The following KLF8 variants were observed in gnomAD, a reference collection of about 807,000 sequenced individuals.
KLF8 encodes the protein KLF transcription factor 8.
A neutral mutation model predicts 18.2 loss-of-function variants in KLF8; 10 were observed. That is an observed-to-expected ratio of 0.55 (90% CI 0.34 to 0.93). The LOEUF (loss-of-function observed/expected upper bound fraction) is 0.93, where lower values mean the gene tolerates loss of function less well. Among genes scored for constraint, KLF8 ranks in the 40% least tolerant of loss-of-function variants. KLF8 has a pLI of 0.02. For synonymous variants in KLF8, 109 were observed against 97.3 expected (o/e 1.12, Z -0.71); for missense variants, 264 against 277.9 (o/e 0.95, Z 0.36).
the KLF8 span, among the ~76,000 whole-genome samples, chrX:55,909,196 C>A: frequency 8.9e-6 from 1 of 112,210 alleles, no homozygotes; most frequent in Admixed American, 9.4e-5. Flanking sequence ...ACTGGAAATT[C>A]AATTATGAGA....
chrX:55,988,469 C>T, the KLF8 span, among the ~76,000 whole-genome samples: 1 of 111,898 alleles, frequency 8.9e-6, no homozygotes, highest in Non-Finnish European at 1.9e-5. Flanking sequence ...ATCCTTTCCC[C>T]ATTTCTTGTT....
chrX:56,175,112 T>A, the KLF8 span, among the ~76,000 whole-genome samples: 2 of 111,617 alleles, frequency 1.8e-5, no homozygotes, highest in Non-Finnish European at 3.8e-5. Context: ...TCTGCTCTGA[T>A]CTTAGTTATT....
At chrX:56,076,077 C>T in the KLF8 span, among the ~76,000 whole-genome samples, 22 of 108,993 alleles carry the variant, frequency 2.0e-4, no homozygotes, top group Admixed American at 4.0e-4. Flanking sequence ...TTTGTTCTTG[C>T]GATAGTTTAT....
At chrX:56,236,128 A>G (rs1196014673) in intron 1 of KLF8, among the ~76,000 whole-genome samples, 1 of 111,964 alleles carries the variant, frequency 8.9e-6, no homozygotes, top group Non-Finnish European at 1.9e-5. Flanking sequence ...ATTTCAAATC[A>G]CTAGCAATTT....
At chrX:56,128,672 T>A in the KLF8 span, among the ~76,000 whole-genome samples, 1 of 111,998 alleles carries the variant, frequency 8.9e-6, no homozygotes, top group Admixed American at 9.5e-5. Context: ...TTTGCACCCA[T>A]CTATAAGTCA....
At chrX:56,218,898 G>T in the KLF8 span, among the ~76,000 whole-genome samples, 12 of 111,867 alleles carry the variant, frequency 1.1e-4, no homozygotes, top group African/African-American at 3.9e-4. Flanking sequence ...CCTCACAGTG[G>T]TCAAAGGAAT....
the KLF8 span, among the ~76,000 whole-genome samples, chrX:56,070,027 T>TAAAGAAAA: frequency 1.8e-5 from 2 of 112,083 alleles, no homozygotes; most frequent in Non-Finnish European, 3.8e-5. Flanking sequence ...ATAGACTGGA[T>TAAAGAAAA]AAAGAAAATG....
chrX:56,217,962 C>T, the KLF8 span, among the ~76,000 whole-genome samples: 2 of 110,681 alleles, frequency 1.8e-5, no homozygotes, highest in African/African-American at 3.3e-5. Flanking sequence ...GGAATCACTA[C>T]TGGGGATGGA....
chrX:56,272,741 A>G (rs1007832734), intron 5 of KLF8, among the ~76,000 whole-genome samples: 18 of 111,172 alleles, frequency 1.6e-4, no homozygotes, highest in African/African-American at 4.3e-4. Context: ...TTTCCTCACT[A>G]CAATTCATTC....
chrX:56,009,705 G>T, the KLF8 span, among the ~76,000 whole-genome samples: 1 of 111,510 alleles, frequency 9.0e-6, no homozygotes, highest in Non-Finnish European at 1.9e-5. Context: ...AAGAATCAAA[G>T]AAACATGAAA....
intron 3 of KLF8, chrX:56,268,390 A>G (rs989933722): frequency 1.8e-5 from 2 of 111,716 alleles, no homozygotes; most frequent in African/African-American, 3.3e-5. Context: ...ACTATTTTCC[A>G]TAAAGGCTAT....
the KLF8 span, among the ~76,000 whole-genome samples, chrX:56,078,231 G>A: frequency 8.9e-6 from 1 of 111,767 alleles, no homozygotes; most frequent in South Asian, 3.7e-4. Flanking sequence ...GTTTTCAAAG[G>A]GAATGCTTCC....
At chrX:56,270,347 A>ACACAC (rs2067035777) in intron 5 of KLF8, 26 bp downstream of exon 5, 22 of 652,111 alleles carry the variant, frequency 3.4e-5, no homozygotes, top group East Asian at 1.5e-4. Context: ...TCTCACCCCC[A>ACACAC]ACACACACAC....
the KLF8 span, among the ~76,000 whole-genome samples, chrX:56,103,855 A>C: frequency 3.6e-5 from 4 of 111,010 alleles, no homozygotes; most frequent in Non-Finnish European, 7.6e-5. Flanking sequence ...GGTTTGTCAT[A>C]GATAGCTCTT....
chrX:56,057,105 G>A, the KLF8 span, among the ~76,000 whole-genome samples: 1 of 111,885 alleles, frequency 8.9e-6, no homozygotes, highest in Non-Finnish European at 1.9e-5. Context: ...TGGGGCCAAG[G>A]GGTCCTTTTT....
At chrX:55,947,893 A>C in the KLF8 span, among the ~76,000 whole-genome samples, 1 of 112,418 alleles carries the variant, frequency 8.9e-6, no homozygotes, top group Non-Finnish European at 1.9e-5. Flanking sequence ...TAGAAACATA[A>C]CTTTTTCTCA....
the KLF8 span, among the ~76,000 whole-genome samples, chrX:56,120,243 T>C: frequency 9.0e-6 from 1 of 111,648 alleles, no homozygotes. Flanking sequence ...ACCCTGATGC[T>C]AACAGTGCCC....
At chrX:56,170,229 A>G in the KLF8 span, among the ~76,000 whole-genome samples, 1 of 110,161 alleles carries the variant, frequency 9.1e-6, no homozygotes, top group African/African-American at 3.3e-5. Flanking sequence ...GTATAAACAA[A>G]CACAAAATAT....
At chrX:55,975,890 A>G in the KLF8 span, among the ~76,000 whole-genome samples, 1 of 111,575 alleles carries the variant, frequency 9.0e-6, no homozygotes, top group African/African-American at 3.3e-5. Context: ...CGGGCGGATC[A>G]CCTGAGGTCA....
Sources: gnomAD v4.1 joint callset for allele counts (sites outside exome capture counted in the v4.1 genomes callset) on GRCh38, gnomAD v4.1.1 for gene constraint, MANE v1.5 for transcripts, NCBI Gene and HGNC (gene_info 2026-07-23, HGNC 2026-07-21) for gene names.